POTED: variants seen among roughly 807,000 people sequenced by gnomAD.
POTED encodes the protein ANKRD26-like family B member 3.
Under a neutral mutation model 19.0 loss-of-function variants are expected in POTED, and 7 were observed. The ratio of observed to expected loss-of-function variants is 0.37; its 90% CI spans 0.21 to 0.69. POTED has a LOEUF of 0.69. POTED is among the 30% of genes least tolerant of loss of function. POTED has a pLI of 0.56. For synonymous variants in POTED, 16 were observed against 92.0 expected, an observed-to-expected ratio of 0.17 and a Z score of 4.73; for missense variants, 54 against 278.5, an observed-to-expected ratio of 0.19 and a Z score of 5.74.
rs958048974 is a variant in POTED, at chr21:13,640,636, G to A, written c.1534-709G>A. ...ACAAACTCAGTTCACTGCAACCTCT[G>A]CCTCCCAGGTTCACACGATTCTCCT... On this transcript the variant is annotated intron_variant, in intron 10 of 10. Coordinates refer to ENST00000299443, the MANE Select transcript of POTED (RefSeq NM_174981.6). Among the ~76,000 whole-genome samples the A allele has an allele frequency of 6.5e-5, 4 of 61,428 alleles. 1 individual carries two copies. The highest frequency in any genetic ancestry group is 2.8e-4 in the African/African-American group (2 of 7,162). The allele number at this position is 61,428 out of a possible 152,430, so 40.3% of individuals were successfully genotyped here.
Position 13,610,806 on chromosome 21 carries a change from C to T in POTED, c.521+57C>T. 8.5e-6 allele frequency: 9 copies of T among 1,053,446 alleles called. 2 individuals carry two copies. Among genetic ancestry groups the T allele is most frequent in the East Asian group, 7.4e-5 (1 of 13,424 alleles). The allele number at this position is 1,053,446 out of a possible 1,614,324, so 65.3% of individuals were successfully genotyped here. On this transcript the variant is annotated intron_variant, in intron 1 of 10. Transcript: ENST00000299443. ...CATGGGGGGATGATGGGGACATACC[C>T]TCCTGGCGCAGGGAGGGAGGAGCCA...
At chr21:13,639,779 T>TAC in intron 10 of POTED, 141 bp downstream of exon 10, 1 of 424,404 alleles carries the variant, frequency 2.4e-6, no homozygotes, top group Non-Finnish European at 3.3e-6. Flanking sequence ...TGTGTATATA[T>TAC]ATACACACAC....
chr21:13,639,504 T>A lies in POTED; in HGVS notation c.1410-11T>A, dbSNP rs2334580. 446,069 of 493,126 alleles carry A rather than the reference T, an allele frequency of 0.9. 219,949 individuals are homozygous for A. Among genetic ancestry groups the A allele is most frequent in the East Asian group, 1 (9,327 of 9,336 alleles). The allele number at this position is 493,126 out of a possible 1,614,324, so 30.5% of individuals were successfully genotyped here. Reference sequence around the variant, plus strand: ...CCTCCAGTATTTCATGAAAATTAAATTTTCTTCTAGTGATGAACAAAATGA... The same window carrying A: ...CCTCCAGTATTTCATGAAAATTAAAATTTCTTCTAGTGATGAACAAAATGA... On this transcript the variant is annotated splice_polypyrimidine_tract_variant and intron_variant, in intron 9 of 10. Coordinates refer to ENST00000299443, the MANE Select transcript of POTED (RefSeq NM_174981.6).
chr21:13,645,285 A>G lies in POTED; in HGVS notation c.*3719A>G, dbSNP rs8130064. Reference sequence around the variant, plus strand: ...CATGAGAAGATCATCCCCAAGACACATAATCGTCAGATTTTCTGAGGTCAA... The same window carrying G: ...CATGAGAAGATCATCCCCAAGACACGTAATCGTCAGATTTTCTGAGGTCAA... On this transcript the variant is annotated 3_prime_UTR_variant, in exon 11 of 11. Transcript: ENST00000299443. 7.4e-6 allele frequency among the ~76,000 whole-genome samples: 1 copy of G among 135,706 alleles called. No homozygotes were observed. Among genetic ancestry groups the G allele is most frequent in the Non-Finnish European group, 1.6e-5 (1 of 62,482 alleles). 89.0% of individuals were successfully genotyped at this position (135,706 alleles called of 152,430 possible).
At chr21:13,628,218 T>TG (rs1309593547) in intron 6 of POTED, among the ~76,000 whole-genome samples, 164 bp from the exon 7 acceptor site, 2 of 131,554 alleles carry the variant, frequency 1.5e-5, no homozygotes, top group Non-Finnish European at 3.3e-5. Context: ...AGTGGTTTGT[T>TG]GAAGTTTTGG....
rs756114318 is a variant in POTED at position 13,641,421 on chromosome 21, G to A, written c.1610G>A (p.Arg537Lys). 17 of 1,070,534 alleles carry A rather than the reference G, an allele frequency of 1.6e-5. 6 individuals are homozygous for A. The highest frequency in any genetic ancestry group is 1.9e-5 in the Non-Finnish European group (16 of 822,424). The allele number at this position is 1,070,534 out of a possible 1,614,324, so 66.3% of individuals were successfully genotyped here. A position where few individuals can be genotyped will look rare whatever the true frequency, so the allele number is the denominator to read the frequency against. ...SVLQEEIAML[R>K]LELDETKHQN... ...TTGCAGGAAGAAATTGCCATGCTAA[G>A]ACTGGAACTAGATGAAACAAAACAT... is the stretch of plus-strand genomic sequence containing the variant. The change falls in exon 11 of 11, where the codon AGA (arginine) becomes AAA (lysine). Residue 537 changes from arginine (R) to lysine (K), a missense_variant. Physicochemically the swap from Arg to Lys is conservative, Grantham distance 26. Around this residue, in one of 3 missense-constraint regions of POTED, gnomAD observed 16 missense variants for 72.7 expected, o/e 0.22. Transcript: ENST00000299443.
Position 13,645,323 on chromosome 21 carries a change from A to G in POTED, c.*3757A>G, listed in dbSNP as rs2011305761. On this transcript the variant is annotated 3_prime_UTR_variant, in exon 11 of 11. Coordinates refer to ENST00000299443, the MANE Select transcript of POTED (RefSeq NM_174981.6). ...TTTCTGAGGTCAAAATAAAAGAAAA[A>G]ATGTTAAAGGCAGCTAGGGAGAAAG... Among the ~76,000 whole-genome samples, 1 of 133,490 alleles carries G rather than the reference A, an allele frequency of 7.5e-6. No individual in the cohort carries two copies. Among genetic ancestry groups the G allele is most frequent in the Admixed American group, 7.2e-5 (1 of 13,806 alleles). The allele number at this position is 133,490 out of a possible 152,430, so 87.6% of individuals were successfully genotyped here.
Position 13,610,543 on chromosome 21 carries a change from C to T in POTED, c.315C>T (p.Cys105=). The change falls in exon 1 of 11, where the codon TGC becomes TGT. Residue 105 remains cysteine, a synonymous_variant. Coordinates refer to ENST00000299443, the MANE Select transcript of POTED (RefSeq NM_174981.6). The part of the protein sequence containing the change: ...RSKMGKWCCH[C]FPCCRGSGKS... Reference sequence around the variant, plus strand: ...AGATGGGCAAGTGGTGCTGTCACTGCTTCCCCTGCTGCAGGGGGAGCGGCA... The same window carrying T: ...AGATGGGCAAGTGGTGCTGTCACTGTTTCCCCTGCTGCAGGGGGAGCGGCA... 1 of 1,077,606 alleles carries T rather than the reference C, an allele frequency of 9.3e-7. No homozygotes were observed. The highest frequency in any genetic ancestry group is 1.2e-6 in the Non-Finnish European group (1 of 831,806). The allele number at this position is 1,077,606 out of a possible 1,614,324, so 66.8% of individuals were successfully genotyped here.
In POTED at chr21:13,636,638, T is replaced by A. The variant is rs1228345916; in HGVS notation, c.1410-2877T>A. ...CTTTGAAATATAAATAATGACATTT[T>A]GATATTTTAAAAGTAAGGATACACC... On this transcript the variant is annotated intron_variant, in intron 9 of 10. Transcript: ENST00000299443. 5.2e-5 allele frequency among the ~76,000 whole-genome samples: 4 copies of A among 77,290 alleles called. 2 individuals are homozygous for A. The highest frequency in any genetic ancestry group is 2.0e-4 in the African/African-American group (2 of 9,822). 50.7% of individuals were successfully genotyped at this position (77,290 alleles called of 152,430 possible).
rs1387031798 is a variant in POTED, at chr21:13,636,665, C to A, written c.1410-2850C>A. Among the ~76,000 whole-genome samples, 2 of 71,928 alleles carry A rather than the reference C, an allele frequency of 2.8e-5. 1 individual carries two copies. Among genetic ancestry groups the A allele is most frequent in the Non-Finnish European group, 4.7e-5 (2 of 42,176 alleles). The allele number at this position is 71,928 out of a possible 152,430, so 47.2% of individuals were successfully genotyped here. A position where few individuals can be genotyped will look rare whatever the true frequency, so the allele number is the denominator to read the frequency against. On this transcript the variant is annotated intron_variant, in intron 9 of 10. Coordinates refer to ENST00000299443, the MANE Select transcript of POTED (RefSeq NM_174981.6). The stretch of plus-strand genomic sequence containing the variant: ...ATATTTTAAAAGTAAGGATACACCC[C>A]CCCCCCAATAGTTTGGCTTTGTGTT...
chr21:13,612,622 A>G (rs2011145350), intron 1 of POTED, among the ~76,000 whole-genome samples: 1 of 84,052 alleles, frequency 1.2e-5, no homozygotes, highest in Non-Finnish European at 2.1e-5. Context: ...CTTTGATGGT[A>G]AGAACCATAT....
chr21:13,637,528 C>T lies in POTED; in HGVS notation c.1410-1987C>T, dbSNP rs1366884180. 3.3e-5 allele frequency among the ~76,000 whole-genome samples: 2 copies of T among 60,698 alleles called. 1 individual carries two copies. The highest frequency in any genetic ancestry group is 2.1e-3 in the East Asian group (2 of 958). 39.8% of individuals were successfully genotyped at this position (60,698 alleles called of 152,430 possible). A position where few individuals can be genotyped will look rare whatever the true frequency, so the allele number is the denominator to read the frequency against. ...TTTCTGGTAGGTTATGGACATTAAT[C>T]CTTTGTTAGATTCATAATTTGCCCA... On this transcript the variant is annotated intron_variant, in intron 9 of 10. Transcript: ENST00000299443.
Position 13,622,840 on chromosome 21 carries a change from A to AT in POTED, c.1091_1092insT (p.Gln364HisfsTer8), listed in dbSNP as rs1004258536. On this transcript the variant is annotated frameshift_variant, in exon 6 of 11. Coordinates refer to ENST00000299443, the MANE Select transcript of POTED (RefSeq NM_174981.6). LOFTEE classifies it high-confidence loss of function. ...TTACTTTCTGACTATAAAGAAAAAC[A>AT]GATGCTAAAAATCTCTTCTGAAAAC... The AT allele has an allele frequency of 3.8e-4, 15 of 39,268 alleles. 2 individuals are homozygous for AT. Among genetic ancestry groups the AT allele is most frequent in the African/African-American group, 8.2e-3 (2 of 244 alleles). 2.4% of individuals were successfully genotyped at this position (39,268 alleles called of 1,614,324 possible). A position where few individuals can be genotyped will look rare whatever the true frequency, so the allele number is the denominator to read the frequency against.
intron 6 of POTED, among the ~76,000 whole-genome samples, chr21:13,626,780 C>T (rs1181751675): frequency 1.4e-4 from 3 of 20,790 alleles, no homozygotes; most frequent in Non-Finnish European, 2.4e-4. Flanking sequence ...CCTTTCTTGC[C>T]CTCTACCACT....
rs2011309728 is a variant in POTED, at chr21:13,645,620, A to G, written c.*4054A>G. 1.0e-5 allele frequency among the ~76,000 whole-genome samples: 1 copy of G among 99,088 alleles called. No homozygotes were observed. The highest frequency in any genetic ancestry group is 2.0e-5 in the Non-Finnish European group (1 of 51,266). The allele number at this position is 99,088 out of a possible 152,430, so 65.0% of individuals were successfully genotyped here. On this transcript the variant is annotated 3_prime_UTR_variant, in exon 11 of 11. Coordinates refer to ENST00000299443, the MANE Select transcript of POTED (RefSeq NM_174981.6). ...AGAAAAGACCACCACCAGCCACTAC[A>G]GAAACACACTGAAGTACACAGACAA... is the stretch of plus-strand genomic sequence containing the variant.
rs1468729693 is a variant in POTED at position 13,635,219 on chromosome 21, A to G, written c.1409+4112A>G. ...TGAGTGAAGGGAGTTTATCCTGGAT[A>G]TATTGTTTGATTAATTCTCACTTTA... is the stretch of plus-strand genomic sequence containing the variant. On this transcript the variant is annotated intron_variant, in intron 9 of 10. Transcript: ENST00000299443. 9.2e-5 allele frequency among the ~76,000 whole-genome samples: 7 copies of G among 76,360 alleles called. 3 individuals carry two copies. The highest frequency in any genetic ancestry group is 7.5e-4 in the African/African-American group (7 of 9,380). 50.1% of individuals were successfully genotyped at this position (76,360 alleles called of 152,430 possible).
intron 9 of POTED, among the ~76,000 whole-genome samples, chr21:13,636,814 C>T (rs2123222074): frequency 1.6e-5 from 1 of 63,078 alleles, no homozygotes; most frequent in Non-Finnish European, 2.6e-5. Flanking sequence ...CTCACAAGAG[C>T]AGATAATTCT....
chr21:13,612,470 AAAAAATAAATAAAT>A, intron 1 of POTED, among the ~76,000 whole-genome samples: 1 of 80,970 alleles, frequency 1.2e-5, no homozygotes, highest in South Asian at 3.5e-4. Flanking sequence ...CTCCATCTCA[AAAAAATAAATAAAT>A]AAAAATAAAT....
rs558603959 is a variant in POTED, at chr21:13,645,548, C to T, written c.*3982C>T. 0.01 allele frequency among the ~76,000 whole-genome samples: 1,307 copies of T among 127,342 alleles called. 100 individuals are homozygous for T. The highest frequency in any genetic ancestry group is 0.041 in the African/African-American group (1,206 of 29,600). The allele number at this position is 127,342 out of a possible 152,430, so 83.5% of individuals were successfully genotyped here. A position where few individuals can be genotyped will look rare whatever the true frequency, so the allele number is the denominator to read the frequency against. ...CAAATGCTGAGGGAATTCGTTATCACCAGACCTACCTTACAAGAGCTCCTG... is the reference window on the plus strand; with the variant it reads ...CAAATGCTGAGGGAATTCGTTATCATCAGACCTACCTTACAAGAGCTCCTG... On this transcript the variant is annotated 3_prime_UTR_variant, in exon 11 of 11. Coordinates refer to ENST00000299443, the MANE Select transcript of POTED (RefSeq NM_174981.6).
Sources: gnomAD v4.1 joint callset for allele counts (sites outside exome capture counted in the v4.1 genomes callset) on GRCh38, gnomAD v4.1.1 for gene constraint, gnomAD v4.1.1 regional missense constraint, MANE v1.5 for transcripts, NCBI Gene and HGNC (gene_info 2026-07-23, HGNC 2026-07-21) for gene names.